Variants in ASPM observed in about 807,000 individuals in gnomAD.
The protein encoded by ASPM is assembly factor for spindle microtubules, also known as abnormal spindle-like microcephaly-associated protein.
Under a neutral mutation model 366.4 loss-of-function variants are expected in ASPM, and 256 were observed. The observed-to-expected ratio is 0.70, with a 90% CI of 0.63 to 0.77. The LOEUF (loss-of-function observed/expected upper bound fraction) is 0.77. Among genes scored for constraint, ASPM ranks in the 30% least tolerant of loss-of-function variants. The pLI is 0.00. For missense variants in ASPM, 4,146 were observed against 4,090.4 expected (o/e 1.01, Z -0.37); for synonymous variants, 1,414 against 1,342.9 (o/e 1.05, Z -1.16).
chr1:197,141,400 T>C (rs1329700429), intron 3 of ASPM, among the ~76,000 whole-genome samples: 1 of 152,134 alleles, frequency 6.6e-6, no homozygotes. Flanking sequence ...TCTGGACCAG[T>C]AGAGGAACAG....
Position 197,102,329 on chromosome 1 carries a change from ACT to A in ASPM, c.6920_6921del (p.Gln2307LeufsTer10), listed in dbSNP as rs781441912. On this transcript the variant is annotated frameshift_variant, in exon 18 of 28. Coordinates refer to ENST00000367409, the MANE Select transcript of ASPM (RefSeq NM_018136.5). LOFTEE classifies it high-confidence loss of function. ...ATAACTGCATTTTGTACCTGAAGGA[ACT>A]GTAAGTGATGCTTTGTACAAAGATG... ...RAHLCTKHHL[Q>X]FLQVQNAVIK... The A allele has an allele frequency of 6.2e-7, 1 of 1,612,728 alleles. No homozygotes were observed. Among genetic ancestry groups the A allele is most frequent in the Non-Finnish European group, 8.5e-7 (1 of 1,179,242 alleles).
chr1:197,097,730 T>C (rs1482321868), intron 18 of ASPM, among the ~76,000 whole-genome samples: 1 of 151,730 alleles, frequency 6.6e-6, no homozygotes, highest in Non-Finnish European at 1.5e-5. Context: ...CAATTGGCCA[T>C]TTAACTGTAA....
In ASPM at chr1:197,117,969, A is replaced by T; in HGVS notation, c.3885T>A (p.Ala1295=). 1 of 1,613,330 alleles carries T rather than the reference A, an allele frequency of 6.2e-7. No individual in the cohort carries two copies. Among genetic ancestry groups the T allele is most frequent in the Non-Finnish European group, 8.5e-7 (1 of 1,179,516 alleles). ...TTACAGCCAATTGAATAATTCTTGC[A>T]GCTTTCTCTCTCTCCTAAAATAAAA... ...DLKRHQEREK[A]ARIIQLAVIN... The change falls in exon 17 of 28, where the codon GCT becomes GCA. Residue 1295 remains alanine, a synonymous_variant. Transcript: ENST00000367409.
In ASPM at chr1:197,146,128, T is replaced by G; in HGVS notation, c.297+13A>C. Reference sequence around the variant, plus strand: ...AGAACACCGGCCTGGAGCACGCTCCTCCTGAGACCTACCTGCAACACGAAA... The same window carrying G: ...AGAACACCGGCCTGGAGCACGCTCCGCCTGAGACCTACCTGCAACACGAAA... On this transcript the variant is annotated intron_variant, in intron 1 of 27. Coordinates refer to ENST00000367409, the MANE Select transcript of ASPM (RefSeq NM_018136.5). 6.2e-7 allele frequency: 1 copy of G among 1,613,908 alleles called. No individual in the cohort carries two copies.
chr1:197,139,513 C>T (rs1031464679), intron 4 of ASPM, among the ~76,000 whole-genome samples: 3 of 152,188 alleles, frequency 2.0e-5, no homozygotes, highest in African/African-American at 7.2e-5. Flanking sequence ...CTAGAAACAT[C>T]AGTTATTCTC....
rs1301888211 is a variant in ASPM, at chr1:197,135,152, C to A, written c.2117G>T (p.Trp706Leu). The change falls in exon 5 of 28, where the codon TGG (tryptophan) becomes TTG (leucine). Residue 706 changes from tryptophan to leucine, a missense_variant. This residue lies in a region of ASPM where 3,624 missense variants were observed against 3,591.7 expected (regional missense o/e 1.01). Coordinates refer to ENST00000367409, the MANE Select transcript of ASPM (RefSeq NM_018136.5). ...KEKQEQGFTW[W>L]LNFILTPDDF... is the part of the protein sequence containing the mutation. ...ATCAGGGGTTAATATAAAATTTAAC[C>A]ACCAAGTGAAGCCCTGTTCCTGCTT... The A allele has an allele frequency of 6.2e-7, 1 of 1,612,388 alleles. No individual in the cohort carries two copies. The highest frequency in any genetic ancestry group is 8.5e-7 in the Non-Finnish European group (1 of 1,178,658).
chr1:197,095,827 C>A (rs552022329), intron 19 of ASPM, among the ~76,000 whole-genome samples, 171 bp downstream of exon 19: 2 of 151,704 alleles, frequency 1.3e-5, no homozygotes, highest in South Asian at 2.1e-4. Context: ...CAAGACAGTA[C>A]GAGAGATGTA....
intron 2 of ASPM, 53 bp from the exon 3 acceptor site, chr1:197,143,863 A>G: frequency 1.3e-6 from 2 of 1,566,468 alleles, no homozygotes; most frequent in East Asian, 4.5e-5. Context: ...TGAATATTAA[A>G]TAAGCAATAT....
chr1:197,091,922 T>C lies in ASPM; in HGVS notation c.9429A>G (p.Ser3143=), dbSNP rs752436448. The change falls in exon 22 of 28, where the codon TCA becomes TCG. Residue 3143 remains serine, a synonymous_variant. Transcript: ENST00000367409. ...AVKNANKQVN[S]VICIQRWFRA... ...AGAAGCAAACCTGAATACAGATGAC[T>C]GAATTAACCTGCTTGTTAGCATTCT... is the stretch of plus-strand genomic sequence containing the variant. The C allele has an allele frequency of 6.2e-6, 10 of 1,610,400 alleles. No individual in the cohort carries two copies. Among genetic ancestry groups the C allele is most frequent in the Middle Eastern group, 2.1e-4 (1 of 4,820 alleles).
At chr1:197,089,607 A>G (rs1321152577) in intron 25 of ASPM, among the ~76,000 whole-genome samples, 1 of 151,988 alleles carries the variant, frequency 6.6e-6, no homozygotes, top group Admixed American at 6.6e-5. Context: ...AATAATATGA[A>G]CTACTTTAGA....
Position 197,088,298 on chromosome 1 carries a change from A to G in ASPM, c.10119T>C (p.Cys3373=). 1 of 1,613,518 alleles carries G rather than the reference A, an allele frequency of 6.2e-7. No homozygotes were observed. Among genetic ancestry groups the G allele is most frequent in the East Asian group, 2.2e-5 (1 of 44,802 alleles). ...DKGGSIFTKT[C]CLLAILLKTT... ...TCTTCAGTAAAATAGCCAACAAACAACAAGTTTTTGTAAAAATGCTTCCGC... is the reference window on the plus strand; with the variant it reads ...TCTTCAGTAAAATAGCCAACAAACAGCAAGTTTTTGTAAAAATGCTTCCGC... Residue 3373 remains cysteine, a synonymous_variant, in exon 26 of 28, where the codon TGT becomes TGC. Coordinates refer to ENST00000367409, the MANE Select transcript of ASPM (RefSeq NM_018136.5).
rs1411968125 is a variant in ASPM at position 197,091,551 on chromosome 1, T to G, written c.9444+356A>C. ...AATATAATTTCAGAATCATTAGCCA[T>G]CAAGTAAATCCAAAACAAAAATGAG... On this transcript the variant is annotated intron_variant, in intron 22 of 27. Transcript: ENST00000367409. Among the ~76,000 whole-genome samples, 3 of 151,936 alleles carry G rather than the reference T, an allele frequency of 2.0e-5. No homozygotes were observed. In the South Asian group the frequency reaches 6.2e-4, roughly 32 times the overall value.
Position 197,131,375 on chromosome 1 carries a change from AT to A in ASPM, c.2487+909del, listed in dbSNP as rs1208944262. Among the ~76,000 whole-genome samples the A allele has an allele frequency of 3.9e-5, 6 of 152,196 alleles. 1 individual carries two copies. The highest frequency in any genetic ancestry group is 5.9e-5 in the Non-Finnish European group (4 of 68,034). ...CGCACAAAAGATACTTTTAATAAAA[AT>A]GTCTTTAAACAGCCAATTACTAATA... On this transcript the variant is annotated intron_variant, in intron 7 of 27. Transcript: ENST00000367409.
chr1:197,134,652 A>C (rs1658363999), intron 5 of ASPM, among the ~76,000 whole-genome samples: 1 of 152,220 alleles, frequency 6.6e-6, no homozygotes. Context: ...AACACTTCAA[A>C]TGTTTGAAAG....
Position 197,117,956 on chromosome 1 carries a change from G to T in ASPM, c.3898C>A (p.Gln1300Lys), listed in dbSNP as rs1657792512. 2.5e-6 allele frequency: 4 copies of T among 1,613,268 alleles called. No homozygotes were observed. The East Asian group carries it at 8.9e-5, about 36-fold the overall frequency. Residue 1300 changes from glutamine to lysine, a missense_variant, in exon 17 of 28, where the codon CAA (glutamine) becomes AAA (lysine). Gln to Lys is a moderately conservative substitution (Grantham distance 53). Around this residue, in one of 3 missense-constraint regions of ASPM, gnomAD observed 3,624 missense variants for 3,591.7 expected, o/e 1.01. Transcript: ENST00000367409. ...GCTAGAAAATTGATTACAGCCAATT[G>T]AATAATTCTTGCAGCTTTCTCTCTC... ...QEREKAARII[Q>K]LAVINFLAKQ...
In ASPM at chr1:197,104,365, T is replaced by G; in HGVS notation, c.4886A>C (p.Tyr1629Ser). 1 of 1,613,142 alleles carries G rather than the reference T, an allele frequency of 6.2e-7. No homozygotes were observed. The highest frequency in any genetic ancestry group is 8.5e-7 in the Non-Finnish European group (1 of 1,179,424). The change falls in exon 18 of 28, where the codon TAC becomes TCC. Residue 1629 changes from tyrosine (Y) to serine (S), a missense_variant. Transcript: ENST00000367409. ...YIFAMKVLASYQKTRSAVIVL... is the reference protein window; with the variant it reads ...YIFAMKVLASSQKTRSAVIVL... Reference sequence around the variant, plus strand: ...AATGACAGCAGAGCGTGTTTTCTGGTAAGATGCTAGAACTTTCATGGCAAA... The same window carrying G: ...AATGACAGCAGAGCGTGTTTTCTGGGAAGATGCTAGAACTTTCATGGCAAA...
At position 197,100,534 on chromosome 1, in the gene ASPM, T is replaced by C. The variant is rs1657118568; in HGVS notation, c.8717A>G (p.Tyr2906Cys). ...FLSAKHQRQV[Y>C]LQIRSSVIII... ...GATAACACTGCTTCTGATCTGTAAATAGACTTGTCTTTGATGTTTTGCAGA... is the reference window on the plus strand; with the variant it reads ...GATAACACTGCTTCTGATCTGTAAACAGACTTGTCTTTGATGTTTTGCAGA... Residue 2906 changes from tyrosine (Y) to cysteine (C), a missense_variant, in exon 18 of 28, where the codon TAT (tyrosine) becomes TGT (cysteine). Transcript: ENST00000367409. 1 of 1,611,460 alleles carries C rather than the reference T, an allele frequency of 6.2e-7. No homozygotes were observed. The highest frequency in any genetic ancestry group is 1.3e-5 in the African/African-American group (1 of 74,848).
intron 17 of ASPM, 21 bp from the exon 18 acceptor site, chr1:197,105,206 C>G: frequency 6.4e-7 from 1 of 1,565,268 alleles, no homozygotes; most frequent in Middle Eastern, 1.7e-4. Flanking sequence ...TAAGAAAGGA[C>G]ACAAAGTAAA....
At chr1:197,093,652 T>C (rs1656862469) in intron 20 of ASPM, among the ~76,000 whole-genome samples, 1 of 151,772 alleles carries the variant, frequency 6.6e-6, no homozygotes, top group Non-Finnish European at 1.5e-5. Flanking sequence ...AAACATAGCA[T>C]ACCACTAGCA....
Sources: gnomAD v4.1 joint callset for allele counts (sites outside exome capture counted in the v4.1 genomes callset) on GRCh38, gnomAD v4.1.1 for gene constraint, gnomAD v4.1.1 regional missense constraint, MANE v1.5 for transcripts, NCBI Gene and HGNC (gene_info 2026-07-23, HGNC 2026-07-21) for gene names.